Variants in FAM135A observed in about 807,000 individuals in gnomAD.
The protein encoded by FAM135A is protein FAM135A.
Under a neutral mutation model 146.8 loss-of-function variants are expected in FAM135A, and 79 were observed. The ratio of observed to expected loss-of-function variants is 0.54; its 90% CI spans 0.45 to 0.65. FAM135A has a LOEUF of 0.65. Ranked by LOEUF, FAM135A falls within the 30% of genes least tolerant of loss-of-function variation. FAM135A has a pLI of 0.00. For missense variants in FAM135A, 1,623 were observed against 1,758.2 expected (o/e 0.92, Z 1.38); for synonymous variants, 562 against 603.6 (o/e 0.93, Z 1.01).
chr6:70,524,329 T>C lies in FAM135A; in HGVS notation c.1259-14T>C. The C allele has an allele frequency of 2.7e-6, 4 of 1,465,070 alleles. No homozygotes were observed. Among genetic ancestry groups the C allele is most frequent in the Non-Finnish European group, 2.7e-6 (3 of 1,112,050 alleles). 90.8% of individuals were successfully genotyped at this position (1,465,070 alleles called of 1,614,324 possible). On this transcript the variant is annotated splice_polypyrimidine_tract_variant and intron_variant, in intron 14 of 21. Transcript: ENST00000418814. ...CTTGTTTTAAACCTGAATCTTTTTTTCTTTGGATAAAAGACTTAGATGCAC... is the reference window on the plus strand; with the variant it reads ...CTTGTTTTAAACCTGAATCTTTTTTCCTTTGGATAAAAGACTTAGATGCAC...
chr6:70,462,199 A>G (rs1041978102), intron 5 of FAM135A, among the ~76,000 whole-genome samples: 6 of 152,128 alleles, frequency 3.9e-5, no homozygotes, highest in Admixed American at 6.5e-5. Flanking sequence ...TTTCTCTCCA[A>G]TGAGATAGCT....
chr6:70,467,687 C>T (rs888641597), intron 5 of FAM135A, among the ~76,000 whole-genome samples: 1 of 151,458 alleles, frequency 6.6e-6, no homozygotes, highest in African/African-American at 2.4e-5. Flanking sequence ...CTCTCTTATT[C>T]TCTCTCCCAC....
At position 70,428,369 on chromosome 6, in the gene FAM135A, A is replaced by G. The variant is rs910396356; in HGVS notation, c.27A>G (p.Glu9=). 6.2e-6 allele frequency: 10 copies of G among 1,603,380 alleles called. No homozygotes were observed. In the Admixed American group the frequency reaches 1.2e-4, roughly 19 times the overall value. ...TGACTGAAGTTCAAGCAATGGTAGA[A>G]TTCTCTGTGGAGCTAAACAAGTTCT... MTEVQAMV[E]FSVELNKFYN... Residue 9 remains glutamate (E), a synonymous_variant, in exon 4 of 22, where the codon GAA becomes GAG. Transcript: ENST00000418814.
chr6:70,525,920 A>G lies in FAM135A; in HGVS notation c.2836A>G (p.Thr946Ala). 6.2e-7 allele frequency: 1 copy of G among 1,613,398 alleles called. No individual in the cohort carries two copies. Among genetic ancestry groups the G allele is most frequent in the Non-Finnish European group, 8.5e-7 (1 of 1,179,604 alleles). Reference sequence around the variant, plus strand: ...TTGCAGCTCCAAACCTAACTTGGATACTATGTGTAAAGGCTTCCAGAGTCC... The same window carrying G: ...TTGCAGCTCCAAACCTAACTTGGATGCTATGTGTAAAGGCTTCCAGAGTCC... ...SSCSSKPNLD[T>A]MCKGFQSPDK... Residue 946 changes from threonine (T) to alanine (A), a missense_variant, in exon 15 of 22, where the codon ACT becomes GCT. This residue lies in a region of FAM135A where 1,061 missense variants were observed against 1,113.8 expected (regional missense o/e 0.95). Transcript: ENST00000418814.
rs1770663203 is a variant in FAM135A, at chr6:70,428,268, AC to A, written c.-39-35del. 2.9e-6 allele frequency: 3 copies of A among 1,017,294 alleles called. No individual in the cohort carries two copies. In the Admixed American group the frequency reaches 7.7e-5, roughly 26 times the overall value. 63.0% of individuals were successfully genotyped at this position (1,017,294 alleles called of 1,614,324 possible). On this transcript the variant is annotated intron_variant, in intron 3 of 21. Coordinates refer to ENST00000418814, the MANE Select transcript of FAM135A (RefSeq NM_001162529.3). ...ATTTTTATAAGTTGGCATTTTTGTTACGCTTCTCATGATTTTTTCCCTTTCC... is the reference window on the plus strand; with the variant it reads ...ATTTTTATAAGTTGGCATTTTTGTTAGCTTCTCATGATTTTTTCCCTTTCC...
chr6:70,460,017 G>A (rs1314725469), intron 5 of FAM135A, among the ~76,000 whole-genome samples: 2 of 152,160 alleles, frequency 1.3e-5, no homozygotes, highest in Non-Finnish European at 2.9e-5. Context: ...GGGACAGTGT[G>A]AGACTCCGTC....
intron 12 of FAM135A, chr6:70,513,499 T>C (rs1791517845): frequency 6.6e-6 from 1 of 151,690 alleles, no homozygotes; most frequent in African/African-American, 2.4e-5. Flanking sequence ...GGACAATTTG[T>C]GGGCATGATA....
intron 10 of FAM135A, 47 bp downstream of exon 10, chr6:70,482,201 T>A (rs1235519996): frequency 1.9e-6 from 3 of 1,587,694 alleles, no homozygotes; most frequent in Non-Finnish European, 2.6e-6. Flanking sequence ...AATCATTCTC[T>A]TCAGTCTTAT....
At chr6:70,527,668 A>G (rs1795021153) in intron 15 of FAM135A, among the ~76,000 whole-genome samples, 1 of 152,148 alleles carries the variant, frequency 6.6e-6, no homozygotes, top group South Asian at 2.1e-4. Context: ...TGTATGTTAA[A>G]TAGTTAATAA....
chr6:70,510,632 G>T (rs1370347952), intron 12 of FAM135A, among the ~76,000 whole-genome samples: 2 of 152,000 alleles, frequency 1.3e-5, no homozygotes, highest in Non-Finnish European at 1.5e-5. Context: ...GAATTCCATT[G>T]TATGGATATA....
At chr6:70,500,588 G>A (rs978263160) in intron 11 of FAM135A, among the ~76,000 whole-genome samples, 1 of 152,162 alleles carries the variant, frequency 6.6e-6, no homozygotes, top group African/African-American at 2.4e-5. Flanking sequence ...CAGCACTTTT[G>A]CACTGGTTTT....
At chr6:70,537,877 A>G (rs1448221141) in intron 19 of FAM135A, among the ~76,000 whole-genome samples, 1 of 152,236 alleles carries the variant, frequency 6.6e-6, no homozygotes, top group Non-Finnish European at 1.5e-5. Context: ...CAATTAGTCT[A>G]TTATGTCATA....
chr6:70,538,982 C>A (rs923313354), intron 20 of FAM135A, among the ~76,000 whole-genome samples: 18 of 151,548 alleles, frequency 1.2e-4, no homozygotes, highest in African/African-American at 4.4e-4. Context: ...TAAACATATT[C>A]CCCATCTTGC....
intron 2 of FAM135A, among the ~76,000 whole-genome samples, chr6:70,425,246 G>C (rs919515714): frequency 6.6e-6 from 1 of 151,952 alleles, no homozygotes; most frequent in Non-Finnish European, 1.5e-5. Context: ...ATAAATGTTT[G>C]AATGAACAAA....
chr6:70,503,380 G>T (rs1789010694), intron 12 of FAM135A: 1 of 151,990 alleles, frequency 6.6e-6, no homozygotes, highest in African/African-American at 2.4e-5. Context: ...CATGCACCCT[G>T]ATTTTACTTT....
At position 70,526,056 on chromosome 6, in the gene FAM135A, G is replaced by C. The variant is rs762688087; in HGVS notation, c.2972G>C (p.Ser991Thr). The C allele has an allele frequency of 3.7e-6, 6 of 1,612,376 alleles. No homozygotes were observed. Among genetic ancestry groups the C allele is most frequent in the Non-Finnish European group, 5.1e-6 (6 of 1,179,400 alleles). ...TCCATTTCTAGTAATACAGATGTTA[G>C]TGAAGATAGAACTATGAAAAAAAAT... ...SGSISSNTDV[S>T]EDRTMKKNSD... is the part of the protein sequence containing the mutation. Residue 991 changes from serine to threonine, a missense_variant, in exon 15 of 22, where the codon AGT becomes ACT. Around this residue, in one of 7 missense-constraint regions of FAM135A, gnomAD observed 1,061 missense variants for 1,113.8 expected, o/e 0.95. Transcript: ENST00000418814.
chr6:70,417,289 G>C (rs1473105217), intron 2 of FAM135A, among the ~76,000 whole-genome samples: 1 of 147,554 alleles, frequency 6.8e-6, no homozygotes, highest in Admixed American at 6.8e-5. Flanking sequence ...GAGTCCCACT[G>C]TATTGCCTCT....
chr6:70,420,127 C>T (rs559527943), intron 2 of FAM135A, among the ~76,000 whole-genome samples: 2 of 152,268 alleles, frequency 1.3e-5, no homozygotes, highest in East Asian at 1.9e-4. Context: ...TTTATGGAAG[C>T]AGTACCGTTT....
chr6:70,472,361 A>G (rs1259382083), intron 5 of FAM135A, among the ~76,000 whole-genome samples: 1 of 152,152 alleles, frequency 6.6e-6, no homozygotes, highest in Non-Finnish European at 1.5e-5. Flanking sequence ...CTTTAAGTAT[A>G]TGTTTCCCGA....
Sources: gnomAD v4.1 joint callset for allele counts (sites outside exome capture counted in the v4.1 genomes callset) on GRCh38, gnomAD v4.1.1 for gene constraint, gnomAD v4.1.1 regional missense constraint, MANE v1.5 for transcripts, NCBI Gene and HGNC (gene_info 2026-07-23, HGNC 2026-07-21) for gene names.